The following TRPM3 variants were observed in gnomAD, a reference collection of about 807,000 sequenced individuals.
TRPM3 encodes the protein transient receptor potential cation channel subfamily M member 3, also known as long transient receptor potential channel 3.
A neutral mutation model predicts 181.2 loss-of-function variants in TRPM3; 77 were observed. The observed-to-expected ratio is 0.42, with a 90% confidence interval of 0.35 to 0.51. The LOEUF is 0.51. TRPM3 is among the 20% of genes least tolerant of loss of function. The pLI, the probability that TRPM3 is intolerant of heterozygous loss-of-function variation, is 0.01. For synonymous variants in TRPM3, 745 were observed against 796.4 expected (o/e 0.94, Z 1.09); for missense variants, 1,759 against 2,196.7 (o/e 0.80, Z 3.98).
chr9:71,020,322 C>A (rs934789548), intron 1 of TRPM3, among the ~76,000 whole-genome samples: 3 of 151,676 alleles, frequency 2.0e-5, no homozygotes, highest in African/African-American at 4.8e-5. Flanking sequence ...AAAATAAAAT[C>A]AAATAAAATT....
At chr9:70,817,188 C>T (rs2092766775) in intron 6 of TRPM3, among the ~76,000 whole-genome samples, 1 of 152,174 alleles carries the variant, frequency 6.6e-6, no homozygotes, top group South Asian at 2.1e-4. Flanking sequence ...TTTCTAATCA[C>T]CTTTTAGTAA....
intron 1 of TRPM3, among the ~76,000 whole-genome samples, chr9:71,307,183 T>G (rs1344384620): frequency 6.6e-6 from 1 of 152,218 alleles, no homozygotes; most frequent in Non-Finnish European, 1.5e-5. Context: ...CTCCAGTTAG[T>G]TTTATGTGAC....
chr9:71,161,669 A>C (rs1306138918), intron 1 of TRPM3, among the ~76,000 whole-genome samples: 2 of 152,184 alleles, frequency 1.3e-5, no homozygotes, highest in African/African-American at 4.8e-5. Context: ...CATGCTAAGG[A>C]AACAGTGAAT....
Position 70,639,092 on chromosome 9 carries a change from T to C in TRPM3, c.1549A>G (p.Thr517Ala). Residue 517 changes from threonine (T) to alanine (A), a missense_variant, in exon 11 of 26, where the codon ACC (threonine) becomes GCC (alanine). This residue lies in a region of TRPM3 where 737 missense variants were observed against 957.4 expected (regional missense o/e 0.77). Transcript: ENST00000677713. Reference protein sequence around the residue: ...ENGVSMHRFLTISRLEELYNT... With the variant: ...ENGVSMHRFLAISRLEELYNT... Reference sequence around the variant, plus strand: ...TACAATTCCTCTAGTCTGGAGATGGTGAGAAAACGGTGCATGCTTACTCCA... The same window carrying C: ...TACAATTCCTCTAGTCTGGAGATGGCGAGAAAACGGTGCATGCTTACTCCA... The C allele has an allele frequency of 6.2e-7, 1 of 1,614,000 alleles. No homozygotes were observed. The highest frequency in any genetic ancestry group is 8.5e-7 in the Non-Finnish European group (1 of 1,179,926).
chr9:70,815,609 T>C (rs1287552535), intron 6 of TRPM3, among the ~76,000 whole-genome samples: 4 of 152,238 alleles, frequency 2.6e-5, no homozygotes, highest in Non-Finnish European at 5.9e-5. Flanking sequence ...AGCACTTGTA[T>C]TTTCTTTCCT....
chr9:71,081,214 T>C (rs1045194813), intron 1 of TRPM3, among the ~76,000 whole-genome samples: 1 of 152,136 alleles, frequency 6.6e-6, no homozygotes, highest in East Asian at 1.9e-4. Context: ...ACAGACTACC[T>C]GGAAAGACAG....
At chr9:70,544,942 A>G (rs139085287) in intron 25 of TRPM3, among the ~76,000 whole-genome samples, 4 of 152,310 alleles carry the variant, frequency 2.6e-5, no homozygotes, top group East Asian at 3.9e-4. Flanking sequence ...ATCTTATAGC[A>G]TACCTAATGT....
chr9:70,758,611 T>A (rs749463649), intron 8 of TRPM3, among the ~76,000 whole-genome samples: 1 of 152,146 alleles, frequency 6.6e-6, no homozygotes, highest in Non-Finnish European at 1.5e-5. Context: ...CATAACAGCA[T>A]GGTAGTGGTG....
At chr9:71,283,826 GT>G (rs1289113800) in intron 1 of TRPM3, among the ~76,000 whole-genome samples, 2 of 152,174 alleles carry the variant, frequency 1.3e-5, no homozygotes, top group Non-Finnish European at 2.9e-5. Flanking sequence ...CAAATTACAA[GT>G]CAAGTGCCCT....
intron 1 of TRPM3, among the ~76,000 whole-genome samples, chr9:71,099,140 G>C (rs866286554): frequency 3.9e-5 from 6 of 152,190 alleles, no homozygotes; most frequent in African/African-American, 1.4e-4. Flanking sequence ...AGCCTGGGAA[G>C]TTCAAGATGA....
chr9:71,201,971 T>C (rs1379589029), intron 1 of TRPM3, among the ~76,000 whole-genome samples: 3 of 152,218 alleles, frequency 2.0e-5, no homozygotes, highest in Non-Finnish European at 4.4e-5. Context: ...TATCTACTTT[T>C]GGTCTTTGAT....
chr9:71,121,717 C>A, upstream of TRPM3: 1 of 838,158 alleles, frequency 1.2e-6, no homozygotes. Flanking sequence ...TGGGGGGGAG[C>A]CAGGAGGATC....
chr9:70,754,864 G>C (rs1021514556), intron 8 of TRPM3, among the ~76,000 whole-genome samples: 6 of 152,064 alleles, frequency 3.9e-5, no homozygotes, highest in African/African-American at 1.4e-4. Flanking sequence ...TAGAAAACAC[G>C]GGGTCTGCAG....
chr9:70,862,726 C>G (rs1242127856), intron 3 of TRPM3, among the ~76,000 whole-genome samples, 182 bp downstream of exon 3: 3 of 152,034 alleles, frequency 2.0e-5, no homozygotes, highest in Admixed American at 6.6e-5. Flanking sequence ...TTTTCTTTTT[C>G]CTGTTTTATA....
At chr9:71,399,255 T>C (rs2093277091) in intron 1 of TRPM3, among the ~76,000 whole-genome samples, 1 of 152,188 alleles carries the variant, frequency 6.6e-6, no homozygotes, top group Admixed American at 6.5e-5. Context: ...TAAGTTGTTC[T>C]TGTTGATGCC....
intron 1 of TRPM3, among the ~76,000 whole-genome samples, chr9:71,402,388 T>C (rs1055046147): frequency 1.3e-5 from 2 of 152,184 alleles, no homozygotes; most frequent in African/African-American, 4.8e-5. Context: ...CGAGATAAAT[T>C]CTTCTTTGGG....
intron 1 of TRPM3, among the ~76,000 whole-genome samples, chr9:71,374,726 G>T (rs1439162646): frequency 6.6e-6 from 1 of 152,202 alleles, no homozygotes. Context: ...AGCTCCTTAA[G>T]CTGATAAGCA....
At chr9:71,428,100 G>GT (rs955794387) in intron 1 of TRPM3, among the ~76,000 whole-genome samples, 163 of 151,112 alleles carry the variant, frequency 1.1e-3, no homozygotes, top group African/African-American at 3.8e-3. Context: ...TTGTTTTTTG[G>GT]TTTTTTTTGA....
intron 1 of TRPM3, among the ~76,000 whole-genome samples, chr9:71,062,079 A>G (rs555973434): frequency 2.3e-4 from 35 of 152,200 alleles, no homozygotes; most frequent in African/African-American, 8.2e-4. Flanking sequence ...CTACCCTAGA[A>G]CCTAGAAATA....
Sources: gnomAD v4.1 joint callset for allele counts (sites outside exome capture counted in the v4.1 genomes callset) on GRCh38, gnomAD v4.1.1 for gene constraint, gnomAD v4.1.1 regional missense constraint, MANE v1.5 for transcripts, NCBI Gene and HGNC (gene_info 2026-07-23, HGNC 2026-07-21) for gene names.